The following GRIA1 variants were observed in gnomAD, a reference collection of about 807,000 sequenced individuals.
The protein encoded by GRIA1 is glutamate ionotropic receptor AMPA type subunit 1, also known as glutamate receptor 1.
Under a neutral mutation model 99.2 loss-of-function variants are expected in GRIA1, and 31 were observed. That is an observed-to-expected ratio of 0.31 (90% CI 0.23 to 0.42). The LOEUF (loss-of-function observed/expected upper bound fraction) is 0.42. Ranked by LOEUF, GRIA1 falls within the 10% of genes least tolerant of loss-of-function variation. The pLI is 1.00. For missense variants in GRIA1, 782 were observed against 1,157.5 expected (o/e 0.68, Z 4.71); for synonymous variants, 438 against 432.4 (o/e 1.01, Z -0.16).
chr5:153,771,203 G>T lies in GRIA1; in HGVS notation c.2270+788G>T, dbSNP rs1374999091. ...CTTCCTAGGTCTGAAGTGGTTGTGA[G>T]TTCAAATGGTATAATTTATGTTGAA... On this transcript the variant is annotated intron_variant, in intron 13 of 15. Transcript: ENST00000285900. 2.0e-5 allele frequency among the ~76,000 whole-genome samples: 3 copies of T among 152,312 alleles called. No homozygotes were observed. In the East Asian group the frequency reaches 5.8e-4, roughly 29 times the overall value.
At chr5:153,578,148 C>CAAAAAAAAAAAAAAAA (rs60901793) in intron 2 of GRIA1, among the ~76,000 whole-genome samples, 13 of 69,314 alleles carry the variant, frequency 1.9e-4, no homozygotes, top group Admixed American at 5.9e-4. Context: ...GAGACTCTGT[C>CAAAAAAAAAAAAAAAA]AAAAAAAAAA....
intron 2 of GRIA1, among the ~76,000 whole-genome samples, chr5:153,572,758 G>A (rs1438417110): frequency 6.6e-6 from 1 of 152,206 alleles, no homozygotes; most frequent in Non-Finnish European, 1.5e-5. Context: ...CGGTGAAGGT[G>A]AGAGAATGCC....
intron 13 of GRIA1, among the ~76,000 whole-genome samples, chr5:153,787,137 A>T (rs1317133769): frequency 3.9e-5 from 6 of 152,170 alleles, no homozygotes; most frequent in African/African-American, 1.4e-4. Context: ...TTCAAACTTT[A>T]ATTTCCCTGC....
chr5:153,494,678 TA>T (rs1754241934), intron 2 of GRIA1, among the ~76,000 whole-genome samples: 1 of 152,130 alleles, frequency 6.6e-6, no homozygotes, highest in Non-Finnish European at 1.5e-5. Flanking sequence ...AAGGGATAGA[TA>T]AATCTCTGAC....
chr5:153,725,794 G>A (rs1207876763), intron 11 of GRIA1, among the ~76,000 whole-genome samples: 2 of 130,622 alleles, frequency 1.5e-5, no homozygotes, highest in African/African-American at 6.0e-5. Flanking sequence ...AATAATGGGA[G>A]ACTTTAACAC....
In GRIA1 at chr5:153,588,903, T is replaced by G. The variant is rs369080913; in HGVS notation, c.221-58025T>G. Among the ~76,000 whole-genome samples the G allele has an allele frequency of 1.8e-3, 271 of 152,296 alleles. 1 individual carries two copies. Among genetic ancestry groups the G allele is most frequent in the African/African-American group, 6.4e-3 (264 of 41,570 alleles). On this transcript the variant is annotated intron_variant, in intron 2 of 15. Coordinates refer to ENST00000285900, the MANE Select transcript of GRIA1 (RefSeq NM_000827.4). The stretch of plus-strand genomic sequence containing the variant: ...GCTCCTTCCTTTCAGGTACTATATA[T>G]TGCATTTGCTTCATAACACCTAATA...
At chr5:153,714,438 C>T (rs4502882) in intron 11 of GRIA1, among the ~76,000 whole-genome samples, 112,171 of 152,136 alleles carry the variant, frequency 0.74, 42,139 homozygotes, top group East Asian at 0.96. Context: ...TCCTTTCATA[C>T]ACTTTGGAAA....
chr5:153,504,990 C>T (rs1012143595), intron 2 of GRIA1, among the ~76,000 whole-genome samples: 1 of 152,132 alleles, frequency 6.6e-6, no homozygotes, highest in African/African-American at 2.4e-5. Flanking sequence ...TTGGTTCCAT[C>T]CCCTCTAGTT....
At chr5:153,766,801 A>G (rs969147195) in intron 12 of GRIA1, among the ~76,000 whole-genome samples, 1 of 152,228 alleles carries the variant, frequency 6.6e-6, no homozygotes, top group African/African-American at 2.4e-5. Context: ...TGCCCTACCT[A>G]ATGAGAGGCA....
In GRIA1 at chr5:153,811,380, G is replaced by T; in HGVS notation, c.*155G>T. On this transcript the variant is annotated 3_prime_UTR_variant, in exon 16 of 16. Transcript: ENST00000285900. ...ATTCAACAGGTTTTCCTGAAGAATT[G>T]AAAAACCATTTTGCTGTCCCTTTTC... 2 of 615,186 alleles carry T rather than the reference G, an allele frequency of 3.3e-6. No homozygotes were observed. The highest frequency in any genetic ancestry group is 5.8e-6 in the Non-Finnish European group (2 of 342,836). 38.1% of individuals were successfully genotyped at this position (615,186 alleles called of 1,614,324 possible).
chr5:153,538,444 GT>G (rs1274749477), intron 2 of GRIA1, among the ~76,000 whole-genome samples: 2 of 152,042 alleles, frequency 1.3e-5, no homozygotes, highest in African/African-American at 2.4e-5. Flanking sequence ...GTGGAGGGGT[GT>G]TTTTTTAATG....
intron 2 of GRIA1, among the ~76,000 whole-genome samples, chr5:153,643,879 G>A (rs182332393): frequency 3.2e-4 from 48 of 152,212 alleles, no homozygotes; most frequent in Admixed American, 2.7e-3. Context: ...CTCCCATTTC[G>A]TCCACCCCCA....
intron 2 of GRIA1, among the ~76,000 whole-genome samples, chr5:153,583,565 C>T (rs1211446270): frequency 1.3e-5 from 2 of 152,108 alleles, no homozygotes; most frequent in South Asian, 2.1e-4. Context: ...TATAAGGACA[C>T]CAATCAAATT....
At position 153,686,177 on chromosome 5, in the gene GRIA1, A is replaced by T. The variant is rs200910192; in HGVS notation, c.1030-48A>T. On this transcript the variant is annotated intron_variant, in intron 7 of 15. Coordinates refer to ENST00000285900, the MANE Select transcript of GRIA1 (RefSeq NM_000827.4). The stretch of plus-strand genomic sequence containing the variant: ...ACTTCAGTGGAAAAAGCAAACACAC[A>T]TAAAGTACATCTGAGTTCACTGCCC... 9.7e-6 allele frequency: 13 copies of T among 1,347,034 alleles called. No homozygotes were observed. In the East Asian group the frequency reaches 2.1e-4, roughly 21 times the overall value. 83.4% of individuals were successfully genotyped at this position (1,347,034 alleles called of 1,614,324 possible).
At chr5:153,743,239 T>TGTCA (rs1275954768) in intron 11 of GRIA1, among the ~76,000 whole-genome samples, 3 of 152,202 alleles carry the variant, frequency 2.0e-5, no homozygotes, top group Non-Finnish European at 2.9e-5. Context: ...GTATAATGAT[T>TGTCA]GTCAGTCACC....
At chr5:153,590,204 G>A (rs569190395) in intron 2 of GRIA1, among the ~76,000 whole-genome samples, 4 of 150,530 alleles carry the variant, frequency 2.7e-5, no homozygotes, top group East Asian at 4.5e-4. Context: ...TTCAAAAAGC[G>A]TTCATAAATT....
intron 13 of GRIA1, among the ~76,000 whole-genome samples, chr5:153,777,675 C>T (rs1764348205): frequency 6.6e-6 from 1 of 151,956 alleles, no homozygotes; most frequent in Admixed American, 6.6e-5. Flanking sequence ...TGCATATGAG[C>T]CCCACCCTCA....
rs956768101 is a variant in GRIA1, at chr5:153,752,855, G to A, written c.1824-11579G>A. Among the ~76,000 whole-genome samples the A allele has an allele frequency of 2.0e-5, 3 of 152,268 alleles. 1 individual carries two copies. Among genetic ancestry groups the A allele is most frequent in the South Asian group, 4.1e-4 (2 of 4,820 alleles). On this transcript the variant is annotated intron_variant, in intron 11 of 15. Transcript: ENST00000285900. ...AGTTTAAGACACAGAGATTATCTAG[G>A]TGGGTCTGGCCCAATCAGGTGAACT...
At chr5:153,570,135 CT>C (rs1761986842) in intron 2 of GRIA1, among the ~76,000 whole-genome samples, 1 of 152,170 alleles carries the variant, frequency 6.6e-6, no homozygotes, top group African/African-American at 2.4e-5. Flanking sequence ...CAAATATTTT[CT>C]GTTTCTGTTC....
Sources: gnomAD v4.1 joint callset for allele counts (sites outside exome capture counted in the v4.1 genomes callset) on GRCh38, gnomAD v4.1.1 for gene constraint, MANE v1.5 for transcripts, NCBI Gene and HGNC (gene_info 2026-07-23, HGNC 2026-07-21) for gene names.